FAM20C: variants seen among roughly 807,000 people sequenced by gnomAD.
FAM20C encodes the protein extracellular serine/threonine protein kinase FAM20C.
FAM20C carries 40 observed loss-of-function variants against 51.5 expected under a neutral mutation model. The ratio of observed to expected loss-of-function variants is 0.78; its 90% confidence interval spans 0.60 to 1.01. The LOEUF is 1.01. Ranked by LOEUF, FAM20C falls within the 50% of genes least tolerant of loss-of-function variation. The probability of loss-of-function intolerance (pLI) is 0.00; values close to 1 mark genes in which losing one functional copy is unlikely to be tolerated. For missense variants in FAM20C, 861 were observed against 844.7 expected (o/e 1.02, Z -0.24); for synonymous variants, 406 against 380.6 (o/e 1.07, Z -0.78).
chr7:219,408 A>T (rs1787150161), intron 3 of FAM20C, among the ~76,000 whole-genome samples: 1 of 145,060 alleles, frequency 6.9e-6, no homozygotes, highest in South Asian at 2.3e-4. Flanking sequence ...AGCCCAGGAC[A>T]GCAACGCCCA....
At position 201,605 on chromosome 7, in the gene FAM20C, G is replaced by T. The variant is rs369121885; in HGVS notation, c.784+5873G>T. On this transcript the variant is annotated intron_variant, in intron 2 of 9. Transcript: ENST00000313766. ...AGCTTCCCAGTGGGTTGCCGGAGCT[G>T]TCTGGGGTTATGTGGCTTGCCTAAG... Among the ~76,000 whole-genome samples, 16 of 152,352 alleles carry T rather than the reference G, an allele frequency of 1.1e-4. 1 individual carries two copies. The South Asian group carries it at 3.3e-3, about 32-fold the overall frequency.
chr7:246,222 C>T (rs529687123), intron 3 of FAM20C, 193 bp from the exon 4 acceptor site: 26 of 564,472 alleles, frequency 4.6e-5, no homozygotes, highest in South Asian at 3.9e-4. Flanking sequence ...CGGCCTCCGT[C>T]GCACGTGCCT....
intron 3 of FAM20C, among the ~76,000 whole-genome samples, chr7:229,832 TAGAA>T (rs1406068235): frequency 2.0e-5 from 3 of 152,042 alleles, no homozygotes; most frequent in Non-Finnish European, 4.4e-5. Context: ...TTACCCAAGA[TAGAA>T]AGGCTAATTT....
At chr7:219,714 G>A (rs1030120855) in intron 3 of FAM20C, among the ~76,000 whole-genome samples, 7 of 152,232 alleles carry the variant, frequency 4.6e-5, no homozygotes, top group East Asian at 1.9e-4. Flanking sequence ...CTCCAGGGCC[G>A]GGGTAAGGAC....
intron 3 of FAM20C, among the ~76,000 whole-genome samples, chr7:217,540 G>A (rs1787058057): frequency 6.7e-6 from 1 of 148,808 alleles, no homozygotes; most frequent in Non-Finnish European, 1.5e-5. Flanking sequence ...TTGAGGTTAG[G>A]TGTGTCCCTA....
At chr7:195,404 C>G (rs1047678208) in intron 1 of FAM20C, 150 bp from the exon 2 acceptor site, 11 of 621,902 alleles carry the variant, frequency 1.8e-5, no homozygotes, top group Non-Finnish European at 2.7e-5. Context: ...GCAGACGTTG[C>G]AGGGCCCTCT....
intron 2 of FAM20C, among the ~76,000 whole-genome samples, chr7:198,622 A>C (rs1189766514): frequency 1.3e-5 from 2 of 152,202 alleles, no homozygotes; most frequent in Non-Finnish European, 2.9e-5. Context: ...ACCATGCACC[A>C]CGTGTGCCTT....
chr7:194,030 G>A, intron 1 of FAM20C: 1 of 630,264 alleles, frequency 1.6e-6, no homozygotes, highest in Admixed American at 3.8e-5. Context: ...CCCTGTGGCT[G>A]CTGGTGAGGA....
intron 5 of FAM20C, among the ~76,000 whole-genome samples, chr7:254,978 G>A (rs944555330): frequency 3.9e-5 from 6 of 152,206 alleles, no homozygotes; most frequent in South Asian, 2.1e-4. Context: ...TTCACCTGGC[G>A]TGTCCACTCC....
chr7:256,978 T>C, intron 7 of FAM20C, 27 bp from the exon 8 acceptor site: 1 of 1,536,456 alleles, frequency 6.5e-7, no homozygotes. Context: ...CCCCACGAGC[T>C]GTGACACTTT....
Position 251,426 on chromosome 7 carries a change from G to A in FAM20C, c.1072+2996G>A, listed in dbSNP as rs1173249066. Among the ~76,000 whole-genome samples the A allele has an allele frequency of 4.6e-5, 7 of 152,176 alleles. No homozygotes were observed. In the South Asian group the frequency reaches 1.0e-3, roughly 22 times the overall value. Reference sequence around the variant, plus strand: ...CCAGCAACTCAGGAGGCTGAGGCAGGAGGATGGCTTGAGCCCAGCAGGTCT... The same window carrying A: ...CCAGCAACTCAGGAGGCTGAGGCAGAAGGATGGCTTGAGCCCAGCAGGTCT... On this transcript the variant is annotated intron_variant, in intron 5 of 9. Coordinates refer to ENST00000313766, the MANE Select transcript of FAM20C (RefSeq NM_020223.4).
At chr7:207,660 T>C (rs577703759) in intron 2 of FAM20C, among the ~76,000 whole-genome samples, 96 of 152,348 alleles carry the variant, frequency 6.3e-4, no homozygotes, top group Non-Finnish European at 7.2e-4. Flanking sequence ...GGGCCCGTGA[T>C]GTTGACGTGT....
intron 3 of FAM20C, among the ~76,000 whole-genome samples, chr7:223,910 G>A (rs989781718): frequency 5.3e-5 from 8 of 152,212 alleles, no homozygotes; most frequent in Admixed American, 2.0e-4. Flanking sequence ...GAGGCTGAAT[G>A]GGTGCTGCCC....
At chr7:234,675 T>A (rs1787799465) in intron 3 of FAM20C, among the ~76,000 whole-genome samples, 1 of 152,136 alleles carries the variant, frequency 6.6e-6, no homozygotes, top group Admixed American at 6.5e-5. Flanking sequence ...TCCTGCACAG[T>A]TCAGTGAGTG....
chr7:211,593 C>T lies in FAM20C; in HGVS notation c.863+2617C>T, dbSNP rs28625458. Among the ~76,000 whole-genome samples the T allele has an allele frequency of 7.4e-3, 1,130 of 152,246 alleles. 12 individuals are homozygous for T. The highest frequency in any genetic ancestry group is 0.026 in the African/African-American group (1,085 of 41,530). On this transcript the variant is annotated intron_variant, in intron 3 of 9. Transcript: ENST00000313766. ...CTCCCTAGGACCCGTTTGTCAGGGC[C>T]CTGCCATCCCAGCTTGCCTGAAGGC...
Position 256,027 on chromosome 7 carries a change from C to G in FAM20C, c.1251C>G (p.Ala417=). ...WRRSYHKRKK[A]EWEVDPDYCE... ...GTTCCTACCACAAGCGCAAGAAGGC[C>G]GAGTGAGTGCGGGGCCGGGGGGCTG... The change falls in exon 6 of 10, where the codon GCC becomes GCG. Residue 417 remains alanine, a splice_region_variant and synonymous_variant. Coordinates refer to ENST00000313766, the MANE Select transcript of FAM20C (RefSeq NM_020223.4). The G allele has an allele frequency of 6.5e-7, 1 of 1,535,434 alleles. No individual in the cohort carries two copies. The highest frequency in any genetic ancestry group is 8.7e-7 in the Non-Finnish European group (1 of 1,146,570).
At chr7:227,112 C>A (rs927546922) in intron 3 of FAM20C, among the ~76,000 whole-genome samples, 1 of 150,308 alleles carries the variant, frequency 6.7e-6, no homozygotes, top group Non-Finnish European at 1.5e-5. Context: ...TGTTGAAAAT[C>A]AAGGAAAGTC....
intron 3 of FAM20C, among the ~76,000 whole-genome samples, chr7:212,997 G>A (rs1323695241): frequency 6.6e-6 from 1 of 152,106 alleles, no homozygotes; most frequent in African/African-American, 2.4e-5. Context: ...TCAAGCACTA[G>A]CCTACTTTCT....
At position 214,624 on chromosome 7, in the gene FAM20C, C is replaced by T. The variant is rs28499473; in HGVS notation, c.863+5648C>T. ...GCTGTTTGACCTGACTGAGTGCCCT[C>T]ACCTCCTGGAACTCAGCGTACCCAT... On this transcript the variant is annotated intron_variant, in intron 3 of 9. Transcript: ENST00000313766. 7.4e-3 allele frequency among the ~76,000 whole-genome samples: 1,120 copies of T among 152,270 alleles called. 18 individuals carry two copies. Among genetic ancestry groups the T allele is most frequent in the African/African-American group, 0.025 (1,045 of 41,528 alleles).
Sources: gnomAD v4.1 joint callset for allele counts (sites outside exome capture counted in the v4.1 genomes callset) on GRCh38, gnomAD v4.1.1 for gene constraint, MANE v1.5 for transcripts, NCBI Gene and HGNC (gene_info 2026-07-23, HGNC 2026-07-21) for gene names.